CCDC120: variants seen among roughly 807,000 people sequenced by gnomAD.
The protein encoded by CCDC120 is coiled-coil domain containing 120.
A neutral mutation model predicts 37.6 loss-of-function variants in CCDC120; 16 were observed. The ratio of observed to expected loss-of-function variants is 0.43; its 90% CI spans 0.29 to 0.65. The LOEUF is 0.65. Ranked by LOEUF, CCDC120 falls within the 30% of genes least tolerant of loss-of-function variation. The pLI, the probability that CCDC120 is intolerant of heterozygous loss-of-function variation, is 0.18. For missense variants in CCDC120, 650 were observed against 657.4 expected, an observed-to-expected ratio of 0.99 and a Z score of 0.12; for synonymous variants, 309 against 275.4, an observed-to-expected ratio of 1.12 and a Z score of -1.21.
chrX:49,064,931 A>C (rs1557080694), intron 6 of CCDC120, 105 bp from the exon 7 acceptor site: 1 of 859,148 alleles, frequency 1.2e-6, no homozygotes, highest in Non-Finnish European at 1.7e-6. Flanking sequence ...ATGAGGCGGA[A>C]ACTGGCCAGA....
At position 49,062,037 on chromosome X, in the gene CCDC120, A is replaced by G. The variant is rs782082573; in HGVS notation, c.-5A>G. Reference sequence around the variant, plus strand: ...CCAGCTCCCCACTTGCTGTGCTCTCACTCAATGCGAAGGGAACCAAGGTAC... The same window carrying G: ...CCAGCTCCCCACTTGCTGTGCTCTCGCTCAATGCGAAGGGAACCAAGGTAC... On this transcript the variant is annotated 5_prime_UTR_variant, in exon 2 of 11. Transcript: ENST00000603986. 14 of 1,155,703 alleles carry G rather than the reference A, an allele frequency of 1.2e-5. No homozygotes were observed. Among genetic ancestry groups the G allele is most frequent in the Non-Finnish European group, 1.6e-5 (14 of 872,674 alleles).
At chrX:49,056,768 G>A (rs1411090047), upstream of CCDC120, among the ~76,000 whole-genome samples, 1 of 111,703 alleles carries the variant, frequency 9.0e-6, no homozygotes, top group Non-Finnish European at 1.9e-5. Flanking sequence ...GCTCTGTCTG[G>A]AAAAAATGTG....
chrX:49,054,410 A>G (rs988840754), upstream of CCDC120, among the ~76,000 whole-genome samples: 8 of 110,226 alleles, frequency 7.3e-5, no homozygotes, highest in Non-Finnish European at 1.5e-4. Flanking sequence ...TCTGCACCCT[A>G]TGTGATATCC....
chrX:49,067,488 T>C lies in CCDC120; in HGVS notation c.1374T>C (p.Pro458=). 8.5e-7 allele frequency: 1 copy of C among 1,170,560 alleles called. No homozygotes were observed. The highest frequency in any genetic ancestry group is 1.8e-5 in the African/African-American group (1 of 56,636). ...GPPDPPRAAR[P]SSAAPASRGA... ...CAGACCCTCCCCGGGCCGCCCGGCC[T>C]AGCTCAGCTGCCCCTGCCTCCCGAG... The change falls in exon 10 of 11, where the codon CCT becomes CCC. Residue 458 remains proline, a synonymous_variant. Transcript: ENST00000603986.
At chrX:49,057,637 G>C (rs2064840313), upstream of CCDC120, among the ~76,000 whole-genome samples, 1 of 112,684 alleles carries the variant, frequency 8.9e-6, no homozygotes, top group Admixed American at 9.4e-5. Context: ...GATGGCGGGA[G>C]GCCTTAATAG....
chrX:49,066,137 C>G (rs998614562), intron 9 of CCDC120, among the ~76,000 whole-genome samples: 2 of 111,469 alleles, frequency 1.8e-5, no homozygotes, highest in African/African-American at 6.5e-5. Flanking sequence ...GCAGGAGAAT[C>G]GCTTGAACCC....
In CCDC120 at chrX:49,062,250, C is replaced by T. The variant is rs782624793; in HGVS notation, c.79C>T (p.Gln27Ter). 18 of 1,208,245 alleles carry T rather than the reference C, an allele frequency of 1.5e-5. No individual in the cohort carries two copies. In the East Asian group the frequency reaches 5.3e-4, roughly 36 times the overall value. The change falls in exon 3 of 11, where the codon CAG (glutamine) becomes TAG (stop). Residue 27 changes from glutamine to a stop codon, truncating the protein, a stop_gained. Transcript: ENST00000603986. LOFTEE classifies it high-confidence loss of function. ...TCACTGCCAGACTTTGTCCAGCCAT[C>T]AGCCACGGCCTCTCGACAGCACCAA... The part of the protein sequence containing the change: ...TDSERTLSSH[Q>*]PRPLDSTKME...
Position 49,068,095 on chromosome X carries a change from G to A in CCDC120, c.1976+5G>A. 1.6e-5 allele frequency: 19 copies of A among 1,162,954 alleles called. No homozygotes were observed. The highest frequency in any genetic ancestry group is 2.1e-5 in the Non-Finnish European group (18 of 871,126). On this transcript the variant is annotated splice_donor_5th_base_variant and intron_variant, in intron 10 of 10. Coordinates refer to ENST00000603986, the MANE Select transcript of CCDC120 (RefSeq NM_001163321.4). Reference sequence around the variant, plus strand: ...GGCGCCCCCTGTCTCTGGCAGGTATGGGGGGTGCTTTTACTGATGGGTAGG... The same window carrying A: ...GGCGCCCCCTGTCTCTGGCAGGTATAGGGGGTGCTTTTACTGATGGGTAGG...
chrX:49,063,267 C>G (rs1270844474), intron 4 of CCDC120, among the ~76,000 whole-genome samples: 1 of 107,317 alleles, frequency 9.3e-6, no homozygotes, highest in Non-Finnish European at 1.9e-5. Context: ...GCAGGAGAAT[C>G]GCTTAAACCC....
chrX:49,061,296 C>T (rs1423817353), intron 1 of CCDC120, among the ~76,000 whole-genome samples: 1 of 112,098 alleles, frequency 8.9e-6, no homozygotes, highest in Non-Finnish European at 1.9e-5. Context: ...CTCCTTGCTA[C>T]ACTAGAGCTA....
At chrX:49,062,622 G>A (rs2064899295) in intron 4 of CCDC120, 21 bp downstream of exon 4, 1 of 1,197,429 alleles carries the variant, frequency 8.4e-7, no homozygotes, top group Non-Finnish European at 1.1e-6. Context: ...GGCCCTAGGG[G>A]TATCAGGCGG....
chrX:49,064,484 C>T lies in CCDC120; in HGVS notation c.544C>T (p.Arg182Cys), dbSNP rs372019456. 9 of 1,182,432 alleles carry T rather than the reference C, an allele frequency of 7.6e-6. No homozygotes were observed. Among genetic ancestry groups the T allele is most frequent in the African/African-American group, 5.3e-5 (3 of 56,598 alleles). Residue 182 changes from arginine (R) to cysteine (C), a missense_variant, in exon 6 of 11, where the codon CGC (arginine) becomes TGC (cysteine). Arg to Cys is a radical substitution (Grantham distance 180, BLOSUM62 -3). Transcript: ENST00000603986. ...GAGCACCGAGCAGCGCCGGCGCCGG[C>T]GCCAGGTCCAGGCAGATGCACTGAG... ...DLSTEQRRRR[R>C]QVQADALRRL...
In CCDC120 at chrX:49,061,565, A is replaced by T. The variant is rs781907545; in HGVS notation, c.-83-394A>T. ...GTGAGAGGATATAACTGTGGAAGTG[A>T]TAATTAAGTTCTAGAATGATAAGTG... is the stretch of plus-strand genomic sequence containing the variant. On this transcript the variant is annotated intron_variant, in intron 1 of 10. Coordinates refer to ENST00000603986, the MANE Select transcript of CCDC120 (RefSeq NM_001163321.4). 4.4e-5 allele frequency among the ~76,000 whole-genome samples: 5 copies of T among 112,412 alleles called. No individual in the cohort carries two copies. In the East Asian group the frequency reaches 1.1e-3, roughly 25 times the overall value.
At chrX:49,063,221 C>T (rs2064909506) in intron 4 of CCDC120, among the ~76,000 whole-genome samples, 1 of 106,554 alleles carries the variant, frequency 9.4e-6, no homozygotes, top group African/African-American at 3.4e-5. Context: ...GCAAAATTAG[C>T]TGGGTGTGGT....
chrX:49,066,823 T>A, intron 9 of CCDC120: 1 of 163,921 alleles, frequency 6.1e-6, no homozygotes. Context: ...GTGCGAGCCA[T>A]GAGAACGGCC....
rs2064891908 is a variant in CCDC120 at position 49,062,083 on chromosome X, C to T, written c.42C>T (p.Asp14=). The T allele has an allele frequency of 2.6e-6, 3 of 1,155,483 alleles. No homozygotes were observed. Among genetic ancestry groups the T allele is most frequent in the African/African-American group, 3.6e-5 (2 of 55,701 alleles). Residue 14 remains aspartate, a synonymous_variant, in exon 2 of 11, where the codon GAC becomes GAT. Transcript: ENST00000603986. The part of the protein sequence containing the change: ...EPRYQGQVGP[D]IHTDSERTLS... The stretch of plus-strand genomic sequence containing the variant: ...GGTACCAGGGCCAAGTGGGTCCAGA[C>T]ATCCACACGGATTCTGAAAGGGCAG...
At chrX:49,064,967 C>G in intron 6 of CCDC120, 69 bp from the exon 7 acceptor site, 1 of 1,089,403 alleles carries the variant, frequency 9.2e-7, no homozygotes, top group East Asian at 3.0e-5. Context: ...AGGTGCCCAC[C>G]CAGTGGTGTA....
In CCDC120 at chrX:49,062,017, T is replaced by C; in HGVS notation, c.-25T>C. 8.7e-7 allele frequency: 1 copy of C among 1,155,487 alleles called. No homozygotes were observed. Among genetic ancestry groups the C allele is most frequent in the Non-Finnish European group, 1.1e-6 (1 of 872,562 alleles). ...AGGAGGCGTTGTAAGTCCGCCCAGC[T>C]CCCCACTTGCTGTGCTCTCACTCAA... On this transcript the variant is annotated 5_prime_UTR_variant, in exon 2 of 11. Coordinates refer to ENST00000603986, the MANE Select transcript of CCDC120 (RefSeq NM_001163321.4).
chrX:49,061,135 G>T (rs1211774444), intron 1 of CCDC120, among the ~76,000 whole-genome samples: 2 of 111,811 alleles, frequency 1.8e-5, no homozygotes, highest in South Asian at 3.7e-4. Context: ...GCCATCGGGG[G>T]CAGAGAAGGA....
Sources: allele counts gnomAD v4.1 joint callset (sites outside exome capture counted in the v4.1 genomes callset), GRCh38; gene constraint gnomAD v4.1.1; transcripts MANE v1.5; gene names NCBI Gene and HGNC (gene_info 2026-07-23, HGNC 2026-07-21).